Variants in MED17 observed in about 807,000 individuals in gnomAD.
MED17 encodes mediator complex subunit 17.
MED17 carries 49 observed loss-of-function variants against 80.8 expected under a neutral mutation model. The observed-to-expected ratio is 0.61, with a 90% CI of 0.48 to 0.77. The LOEUF is 0.77. Among genes scored for constraint, MED17 ranks in the 30% least tolerant of loss-of-function variants. The pLI, the probability that MED17 is intolerant of heterozygous loss-of-function variation, is 0.00. For synonymous variants in MED17, 281 were observed against 280.4 expected, an observed-to-expected ratio of 1.00 and a Z score of -0.02; for missense variants, 718 against 787.0, an observed-to-expected ratio of 0.91 and a Z score of 1.05.
chr11:93,807,847 G>GT lies in MED17; in HGVS notation c.1584+215dup, dbSNP rs901031121. 6 of 568,910 alleles carry GT rather than the reference G, an allele frequency of 1.1e-5. No homozygotes were observed. In the East Asian group the frequency reaches 1.6e-4, roughly 15 times the overall value. 35.2% of individuals were successfully genotyped at this position (568,910 alleles called of 1,614,324 possible). ...ATAAGCTGTCCTAGGTTTTCACATA[G>GT]TTTATGTTAAGATGAAGGACCAGTT... On this transcript the variant is annotated intron_variant, in intron 10 of 11. Coordinates refer to ENST00000251871, the MANE Select transcript of MED17 (RefSeq NM_004268.5).
intron 8 of MED17, among the ~76,000 whole-genome samples, chr11:93,798,762 T>A (rs2135716162): frequency 6.6e-6 from 1 of 152,302 alleles, no homozygotes; most frequent in South Asian, 2.1e-4. Flanking sequence ...TATTAAATGA[T>A]GTATGTAGAA....
intron 11 of MED17, 50 bp from the exon 12 acceptor site, chr11:93,811,803 T>C (rs1565295758): frequency 6.9e-7 from 1 of 1,440,658 alleles, no homozygotes; most frequent in African/African-American, 1.4e-5. Flanking sequence ...TCCTTGTTAT[T>C]TCTAGTTTGG....
Position 93,813,390 on chromosome 11 carries a change from A to G in MED17, c.*1326A>G, listed in dbSNP as rs1366972705. On this transcript the variant is annotated 3_prime_UTR_variant, in exon 12 of 12. Coordinates refer to ENST00000251871, the MANE Select transcript of MED17 (RefSeq NM_004268.5). ...ATCAAGATCTTGCATCTTTCTATCCATGGAAATTAAAATAATTGGTATGAA... is the reference window on the plus strand; with the variant it reads ...ATCAAGATCTTGCATCTTTCTATCCGTGGAAATTAAAATAATTGGTATGAA... The G allele has an allele frequency of 6.6e-6, 1 of 152,190 alleles. No individual in the cohort carries two copies. The highest frequency in any genetic ancestry group is 1.5e-5 in the Non-Finnish European group (1 of 68,036). The allele number at this position is 152,190 out of a possible 1,614,324, so 9.4% of individuals were successfully genotyped here.
At chr11:93,804,016 TATATATATATACACAC>T (rs746039632) in intron 9 of MED17, among the ~76,000 whole-genome samples, 17,613 of 53,940 alleles carry the variant, frequency 0.33, 1,712 homozygotes, top group East Asian at 0.57. Flanking sequence ...TATATATATA[TATATATATATACACAC>T]ACACATATAC....
chr11:93,790,340 A>G lies in MED17; in HGVS notation c.418-234A>G, dbSNP rs190383182. 926 of 582,594 alleles carry G rather than the reference A, an allele frequency of 1.6e-3. 6 individuals are homozygous for G. The highest frequency in any genetic ancestry group is 0.015 in the African/African-American group (838 of 54,154). 36.1% of individuals were successfully genotyped at this position (582,594 alleles called of 1,614,324 possible). ...CTAACAGGCTGGACAGAGTTGATGC[A>G]ATGGTAAGTTCTGAGTAGAGGCCAT... On this transcript the variant is annotated intron_variant, in intron 2 of 11. Transcript: ENST00000251871.
rs990935312 is a variant in MED17, at chr11:93,792,612, C to G, written c.638-1116C>G. Among the ~76,000 whole-genome samples, 126 of 152,014 alleles carry G rather than the reference C, an allele frequency of 8.3e-4. 1 individual carries two copies. Among genetic ancestry groups the G allele is most frequent in the Non-Finnish European group, 8.2e-4 (56 of 67,998 alleles). Reference sequence around the variant, plus strand: ...ATTCAATGGCCCAGAACAACTTACCCAAACTCCTGACCTACACAAAAACAC... The same window carrying G: ...ATTCAATGGCCCAGAACAACTTACCGAAACTCCTGACCTACACAAAAACAC... On this transcript the variant is annotated intron_variant, in intron 3 of 11. Coordinates refer to ENST00000251871, the MANE Select transcript of MED17 (RefSeq NM_004268.5).
At chr11:93,791,298 G>C (rs928994026) in intron 3 of MED17, among the ~76,000 whole-genome samples, 18 of 152,160 alleles carry the variant, frequency 1.2e-4, no homozygotes, top group Admixed American at 2.0e-4. Context: ...ACACTTAACA[G>C]AAAGTTCAAA....
intron 8 of MED17, among the ~76,000 whole-genome samples, chr11:93,798,075 A>G (rs10501808): frequency 4.6e-5 from 7 of 152,130 alleles, no homozygotes; most frequent in Admixed American, 3.3e-4. Context: ...TTTCTTGCAC[A>G]TTTTAGAGTT....
Position 93,804,452 on chromosome 11 carries a change from T to C in MED17, c.1466+2480T>C, listed in dbSNP as rs1353168707. Among the ~76,000 whole-genome samples, 3 of 152,288 alleles carry C rather than the reference T, an allele frequency of 2.0e-5. No homozygotes were observed. The East Asian group carries it at 5.8e-4, about 29-fold the overall frequency. ...ACAGTGTTAACCATCACAGCTGGGC[T>C]CAACTTAGGCTATTGAAAGTTGAAA... is the stretch of plus-strand genomic sequence containing the variant. On this transcript the variant is annotated intron_variant, in intron 9 of 11. Transcript: ENST00000251871.
chr11:93,784,522 G>T lies in MED17; in HGVS notation c.9G>T (p.Gly3=). Residue 3 remains glycine, a synonymous_variant, in exon 1 of 12, where the codon GGG becomes GGT. Transcript: ENST00000251871. ...TGGCCGACGCAGCCAGCATGTCCGG[G>T]GTGCGCGCAGTGCGGATCAGCATCG... The part of the protein sequence containing the change: MS[G]VRAVRISIES... The T allele has an allele frequency of 6.2e-7, 1 of 1,602,460 alleles. No individual in the cohort carries two copies. Among genetic ancestry groups the T allele is most frequent in the Non-Finnish European group, 8.5e-7 (1 of 1,172,584 alleles).
At chr11:93,795,860 C>T (rs1377588592) in intron 6 of MED17, 1 of 158,792 alleles carries the variant, frequency 6.3e-6, no homozygotes, top group East Asian at 1.9e-4. Flanking sequence ...TTTCACCAGT[C>T]TTTAGCCAGT....
chr11:93,793,662 T>A, intron 3 of MED17, 66 bp from the exon 4 acceptor site: 1 of 1,181,896 alleles, frequency 8.5e-7, no homozygotes, highest in South Asian at 1.3e-5. Flanking sequence ...TATTATATAT[T>A]TAATAATGTG....
rs1018161950 is a variant in MED17 at position 93,794,812 on chromosome 11, T to C, written c.860-96T>C. ...AAAGAATATACCGTAATGTAGTGTT[T>C]TCCTAAACTTTTGTCATATGTATTC... On this transcript the variant is annotated intron_variant, in intron 5 of 11. Transcript: ENST00000251871. 5.0e-5 allele frequency: 66 copies of C among 1,322,268 alleles called. No homozygotes were observed. The Middle Eastern group carries it at 5.5e-4, about 11-fold the overall frequency. The allele number at this position is 1,322,268 out of a possible 1,614,324, so 81.9% of individuals were successfully genotyped here. A position where few individuals can be genotyped will look rare whatever the true frequency, so the allele number is the denominator to read the frequency against.
In MED17 at chr11:93,797,414, ATTG is replaced by A. The variant is rs1943916099; in HGVS notation, c.1144-118_1144-116del. On this transcript the variant is annotated intron_variant, in intron 7 of 11. Transcript: ENST00000251871. ...TGCTAGCATTTTTCTCCAAGGTTGG[ATTG>A]TTTTCATATGTGGTTCAAATCCATT... The A allele has an allele frequency of 1.2e-5, 12 of 965,274 alleles. No individual in the cohort carries two copies. The Admixed American group carries it at 1.9e-4, about 15-fold the overall frequency. 59.8% of individuals were successfully genotyped at this position (965,274 alleles called of 1,614,324 possible). A position where few individuals can be genotyped will look rare whatever the true frequency, so the allele number is the denominator to read the frequency against.
chr11:93,795,137 G>A (rs1943886752), intron 6 of MED17, 77 bp downstream of exon 6: 3 of 1,479,126 alleles, frequency 2.0e-6, no homozygotes, highest in Non-Finnish European at 1.9e-6. Context: ...GTAGCTCTTA[G>A]GGTGTATTGG....
rs752544714 is a variant in MED17 at position 93,797,727 on chromosome 11, T to G, written c.1328+8T>G. 1 of 1,606,316 alleles carries G rather than the reference T, an allele frequency of 6.2e-7. No homozygotes were observed. Among genetic ancestry groups the G allele is most frequent in the East Asian group, 2.2e-5 (1 of 44,814 alleles). On this transcript the variant is annotated splice_region_variant and intron_variant, in intron 8 of 11. Coordinates refer to ENST00000251871, the MANE Select transcript of MED17 (RefSeq NM_004268.5). ...TATTTTTCTAAGGAGTAGGTAAGGTTGAAGAAAGTTACTGTTTTCTGTTTT... is the reference window on the plus strand; with the variant it reads ...TATTTTTCTAAGGAGTAGGTAAGGTGGAAGAAAGTTACTGTTTTCTGTTTT...
At chr11:93,786,464 G>T (rs937348245) in intron 1 of MED17, among the ~76,000 whole-genome samples, 23 of 150,128 alleles carry the variant, frequency 1.5e-4, no homozygotes, top group East Asian at 5.9e-4. Flanking sequence ...ACTTTTTTTG[G>T]TTTGTTTTGT....
intron 11 of MED17, 191 bp from the exon 12 acceptor site, chr11:93,811,662 T>C (rs941729946): frequency 5.0e-6 from 3 of 602,064 alleles, no homozygotes; most frequent in African/African-American, 1.9e-5. Flanking sequence ...TGAATATTTA[T>C]ACCATCCTCT....
chr11:93,799,439 G>C (rs1483953714), intron 8 of MED17, among the ~76,000 whole-genome samples: 2 of 152,180 alleles, frequency 1.3e-5, no homozygotes, highest in Non-Finnish European at 2.9e-5. Context: ...GCCTCCCAAA[G>C]TGCTGGGATT....
Sources: allele counts gnomAD v4.1 joint callset (sites outside exome capture counted in the v4.1 genomes callset), GRCh38; gene constraint gnomAD v4.1.1; transcripts MANE v1.5; gene names NCBI Gene and HGNC (gene_info 2026-07-23, HGNC 2026-07-21).